The following COL4A6 variants were observed in gnomAD, a reference collection of about 807,000 sequenced individuals.
COL4A6 encodes the protein collagen type IV alpha 6 chain.
In COL4A6, 59 loss-of-function variants were observed where a neutral mutation model predicts 126.7. The ratio of observed to expected loss-of-function variants is 0.47; its 90% confidence interval spans 0.38 to 0.58. COL4A6 has a LOEUF of 0.58. Ranked by LOEUF, COL4A6 falls within the 20% of genes least tolerant of loss-of-function variation. The pLI, the probability that COL4A6 is intolerant of heterozygous loss-of-function variation, is 0.00. For missense variants in COL4A6, 1,285 were observed against 1,337.3 expected (o/e 0.96, Z 0.61); for synonymous variants, 547 against 496.6 (o/e 1.10, Z -1.35).
intron 26 of COL4A6, 66 bp downstream of exon 26, chrX:108,179,151 T>C (rs1020129020): frequency 2.8e-4 from 280 of 993,923 alleles, no homozygotes; most frequent in Non-Finnish European, 3.7e-4. Context: ...CAAGTATTCA[T>C]GGAAGTATAC....
At chrX:108,322,121 T>C (rs959468882) in intron 2 of COL4A6, among the ~76,000 whole-genome samples, 1 of 111,490 alleles carries the variant, frequency 9.0e-6, no homozygotes, top group African/African-American at 3.3e-5. Context: ...TGAGCAATTC[T>C]AAAACAAAAC....
intron 2 of COL4A6, among the ~76,000 whole-genome samples, chrX:108,407,019 T>A (rs2041220660): frequency 8.9e-6 from 1 of 112,129 alleles, no homozygotes; most frequent in African/African-American, 3.2e-5. Flanking sequence ...CAATCTAAAT[T>A]TGCCTTCTAG....
chrX:108,183,984 G>T (rs5929105), intron 23 of COL4A6, among the ~76,000 whole-genome samples: 2,532 of 111,536 alleles, frequency 0.023, 34 homozygotes, highest in Non-Finnish European at 0.038. Context: ...CTGGAACAGA[G>T]CCTCTTTGGA....
chrX:108,292,434 C>A (rs1360109618), intron 3 of COL4A6, among the ~76,000 whole-genome samples: 1 of 111,938 alleles, frequency 8.9e-6, no homozygotes, highest in Non-Finnish European at 1.9e-5. Context: ...AATGGGGCCG[C>A]CTCTTAGAAA....
chrX:108,309,801 A>AACACAC (rs4036315), intron 3 of COL4A6, among the ~76,000 whole-genome samples: 1,607 of 80,860 alleles, frequency 0.02, 21 homozygotes, highest in Middle Eastern at 0.032. Flanking sequence ...TAATCCTGGA[A>AACACAC]ACACACACAC....
At chrX:108,307,572 C>A (rs971764312) in intron 3 of COL4A6, among the ~76,000 whole-genome samples, 1 of 112,221 alleles carries the variant, frequency 8.9e-6, no homozygotes, top group Non-Finnish European at 1.9e-5. Flanking sequence ...AGGAAAAGTA[C>A]ACACTGCCCA....
At chrX:108,279,491 G>A (rs1389177946) in intron 3 of COL4A6, among the ~76,000 whole-genome samples, 4 of 111,437 alleles carry the variant, frequency 3.6e-5, no homozygotes. Flanking sequence ...AGATTCATAA[G>A]GCAAGTCCTG....
At chrX:108,268,275 T>A (rs1368866128) in intron 3 of COL4A6, 1 of 112,393 alleles carries the variant, frequency 8.9e-6, no homozygotes, top group Non-Finnish European at 1.9e-5. Context: ...ACTATTGTAA[T>A]CAATTCTTTC....
intron 2 of COL4A6, among the ~76,000 whole-genome samples, chrX:108,354,948 T>C (rs1317149394): frequency 9.0e-6 from 1 of 111,228 alleles, no homozygotes; most frequent in Non-Finnish European, 1.9e-5. Flanking sequence ...CCTACGTAAG[T>C]TGTCTCTTTT....
chrX:108,377,941 C>CAAAA (rs745969449), intron 2 of COL4A6, among the ~76,000 whole-genome samples: 1 of 7,233 alleles, frequency 1.4e-4, no homozygotes, highest in African/African-American at 3.8e-4. Context: ...GACTCCGTCT[C>CAAAA]AAAAAAAAAA....
At chrX:108,203,872 C>G (rs1338289774) in intron 12 of COL4A6, among the ~76,000 whole-genome samples, 1 of 112,050 alleles carries the variant, frequency 8.9e-6, no homozygotes, top group Non-Finnish European at 1.9e-5. Context: ...TTTTCAGGGT[C>G]AAGTTTTAAG....
chrX:108,180,444 T>TAC (rs4036314), intron 25 of COL4A6, 71 bp downstream of exon 25: 225 of 779,038 alleles, frequency 2.9e-4, no homozygotes, highest in African/African-American at 1.5e-3. Flanking sequence ...ACAACCCAAA[T>TAC]ACACACACAC....
chrX:108,277,149 G>A (rs1050737474), intron 3 of COL4A6, among the ~76,000 whole-genome samples: 9 of 111,671 alleles, frequency 8.1e-5, no homozygotes, highest in Admixed American at 3.8e-4. Flanking sequence ...GACAGTGGGC[G>A]CAGGACAGTG....
chrX:108,285,234 T>C (rs974200702), intron 3 of COL4A6, among the ~76,000 whole-genome samples: 2 of 111,457 alleles, frequency 1.8e-5, no homozygotes, highest in African/African-American at 6.5e-5. Context: ...GAGGAAAGAA[T>C]CTTCCTCTGA....
chrX:108,183,523 G>A, intron 23 of COL4A6, among the ~76,000 whole-genome samples: 1 of 111,702 alleles, frequency 9.0e-6, no homozygotes, highest in Non-Finnish European at 1.9e-5. Context: ...ACTGCCTGCT[G>A]TAAGAGGTAT....
At chrX:108,216,587 A>G (rs2035862360) in intron 5 of COL4A6, among the ~76,000 whole-genome samples, 1 of 112,838 alleles carries the variant, frequency 8.9e-6, no homozygotes, top group Non-Finnish European at 1.9e-5. Flanking sequence ...TCTCAGAACC[A>G]CAGAATTTCT....
chrX:108,424,892 G>A (rs944014592), intron 2 of COL4A6, among the ~76,000 whole-genome samples: 4 of 109,896 alleles, frequency 3.6e-5, no homozygotes, highest in African/African-American at 6.6e-5. Context: ...CACACCTGTA[G>A]TCCCAGCCAC....
At chrX:108,438,547 G>A (rs2064317841), upstream of COL4A6, 1 of 774,419 alleles carries the variant, frequency 1.3e-6, no homozygotes, top group African/African-American at 2.2e-5. Context: ...CCACACAACA[G>A]CCCTAAGTAT....
chrX:108,204,055 T>C (rs1233992382), intron 12 of COL4A6, among the ~76,000 whole-genome samples: 1 of 111,508 alleles, frequency 9.0e-6, no homozygotes, highest in Non-Finnish European at 1.9e-5. Context: ...TCTGCAACAC[T>C]AAAACAGAGA....
Sources: gnomAD v4.1 joint callset for allele counts (sites outside exome capture counted in the v4.1 genomes callset) on GRCh38, gnomAD v4.1.1 for gene constraint, MANE v1.5 for transcripts, NCBI Gene and HGNC (gene_info 2026-07-23, HGNC 2026-07-21) for gene names.